Variants in RAPH1 observed in about 807,000 individuals in gnomAD.
RAPH1 encodes ras-associated and pleckstrin homology domains-containing protein 1.
RAPH1 carries 18 observed loss-of-function variants against 88.1 expected under a neutral mutation model. The observed-to-expected ratio is 0.20, with a 90% confidence interval of 0.14 to 0.30. RAPH1 has a LOEUF of 0.30. Ranked by LOEUF, RAPH1 falls within the 10% of genes least tolerant of loss-of-function variation. RAPH1 has a pLI of 1.00. For missense variants in RAPH1, 1,448 were observed against 1,543.2 expected (o/e 0.94, Z 1.03); for synonymous variants, 587 against 559.0 (o/e 1.05, Z -0.71).
chr2:203,467,185 A>G (rs1171349550), intron 4 of RAPH1, among the ~76,000 whole-genome samples: 1 of 152,204 alleles, frequency 6.6e-6, no homozygotes, highest in Non-Finnish European at 1.5e-5. Flanking sequence ...CTGAGCTACT[A>G]GTGTCCTTAT....
intron 13 of RAPH1, chr2:203,441,935 A>G (rs2098504610): frequency 1.4e-6 from 2 of 1,380,414 alleles, no homozygotes; most frequent in Non-Finnish European, 1.9e-6. Context: ...ACAGGAGAGT[A>G]TGAGAATGTT....
Position 203,436,380 on chromosome 2 carries a change from A to G in RAPH1, c.*3057T>C, listed in dbSNP as rs1206007109. ...ACCTTAAGAATAGTTACTCTTCCCA[A>G]GAGAATTACAGCGTCTAAGGGGGGG... On this transcript the variant is annotated 3_prime_UTR_variant, in exon 14 of 14. Coordinates refer to ENST00000319170, the MANE Select transcript of RAPH1 (RefSeq NM_213589.3). 6.6e-6 allele frequency: 1 copy of G among 152,108 alleles called. No homozygotes were observed. The highest frequency in any genetic ancestry group is 2.4e-5 in the African/African-American group (1 of 41,438). The allele number at this position is 152,108 out of a possible 1,614,324, so 9.4% of individuals were successfully genotyped here.
At chr2:203,506,988 C>T (rs1689118646) in intron 1 of RAPH1, among the ~76,000 whole-genome samples, 1 of 146,992 alleles carries the variant, frequency 6.8e-6, no homozygotes, top group Non-Finnish European at 1.5e-5. Context: ...CCTCCACCTC[C>T]CAGGTTCAAG....
intron 1 of RAPH1, among the ~76,000 whole-genome samples, chr2:203,498,395 G>A (rs1170197123): frequency 6.6e-6 from 1 of 152,132 alleles, no homozygotes; most frequent in Admixed American, 6.6e-5. Context: ...CACACTAAGA[G>A]GAAGTTATAA....
chr2:203,444,664 G>A, intron 13 of RAPH1: 1 of 444,002 alleles, frequency 2.3e-6, no homozygotes, highest in Non-Finnish European at 3.9e-6. Context: ...GAGCCAATTT[G>A]TAAAATACTC....
chr2:203,472,508 C>T (rs1032957699), intron 4 of RAPH1, among the ~76,000 whole-genome samples: 2 of 152,150 alleles, frequency 1.3e-5, no homozygotes, highest in African/African-American at 4.8e-5. Flanking sequence ...TGCTCTTATT[C>T]CCATTCATTT....
At chr2:203,494,590 C>T (rs368956400) in intron 2 of RAPH1, among the ~76,000 whole-genome samples, 1 of 151,978 alleles carries the variant, frequency 6.6e-6, no homozygotes, top group East Asian at 1.9e-4. Flanking sequence ...GGGCAGATCA[C>T]GAGGTCAGGA....
chr2:203,522,261 T>C (rs1689911035), intron 1 of RAPH1, among the ~76,000 whole-genome samples: 1 of 152,240 alleles, frequency 6.6e-6, no homozygotes, highest in African/African-American at 2.4e-5. Context: ...TGTTATCATA[T>C]GGAAAAATCT....
At chr2:203,524,448 T>C (rs1180718849) in intron 1 of RAPH1, among the ~76,000 whole-genome samples, 2 of 152,162 alleles carry the variant, frequency 1.3e-5, no homozygotes, top group African/African-American at 2.4e-5. Flanking sequence ...TGAAAACCTG[T>C]CCACAATTGG....
In RAPH1 at chr2:203,454,492, A is replaced by G; in HGVS notation, c.1351T>C (p.Tyr451His). 6.2e-7 allele frequency: 1 copy of G among 1,613,868 alleles called. No individual in the cohort carries two copies. Among genetic ancestry groups the G allele is most frequent in the Non-Finnish European group, 8.5e-7 (1 of 1,179,922 alleles). ...CFLQLDHVNV[Y>H]YGQDYRNKYK... is the part of the protein sequence containing the mutation. ...TTGTTCCGATAGTCCTGGCCATAAT[A>G]AACGTTGACATGATCCAGCTGGAGA... The change falls in exon 10 of 14, where the codon TAT becomes CAT. Residue 451 changes from tyrosine (Y) to histidine (H), a missense_variant. Tyr to His is a moderately conservative substitution (Grantham distance 83, BLOSUM62 2). Coordinates refer to ENST00000319170, the MANE Select transcript of RAPH1 (RefSeq NM_213589.3).
Position 203,459,869 on chromosome 2 carries a change from T to G in RAPH1, c.1092+38A>C, listed in dbSNP as rs750609167. 6 of 1,593,512 alleles carry G rather than the reference T, an allele frequency of 3.8e-6. No individual in the cohort carries two copies. The East Asian group carries it at 1.1e-4, about 30-fold the overall frequency. On this transcript the variant is annotated intron_variant, in intron 7 of 13. Transcript: ENST00000319170. ...GTAATCGAATAAAATAGGAGACATA[T>G]TTACAAATCCTGACCTCTGTAAGTT...
In RAPH1 at chr2:203,529,689, G is replaced by T. The variant is rs147733525; in HGVS notation, c.-1+5422C>A. Among the ~76,000 whole-genome samples, 36 of 152,196 alleles carry T rather than the reference G, an allele frequency of 2.4e-4. 1 individual carries two copies. The East Asian group carries it at 2.5e-3, about 11-fold the overall frequency. On this transcript the variant is annotated intron_variant, in intron 1 of 13. Transcript: ENST00000319170. ...AAGTTTTAAATACCATTGCAAAATT[G>T]ACTTAAGATTCTACAATAATACTGG...
chr2:203,517,713 T>C (rs988904735), intron 1 of RAPH1, among the ~76,000 whole-genome samples: 1 of 151,980 alleles, frequency 6.6e-6, no homozygotes, highest in Non-Finnish European at 1.5e-5. Flanking sequence ...GTCACAAACA[T>C]AATTGAAAAA....
intron 2 of RAPH1, among the ~76,000 whole-genome samples, chr2:203,494,695 G>C (rs1206308001): frequency 6.6e-6 from 1 of 151,706 alleles, no homozygotes; most frequent in Non-Finnish European, 1.5e-5. Context: ...TGTAGTCCCA[G>C]CTACTCGGGA....
At chr2:203,477,034 C>T (rs1452835964) in intron 4 of RAPH1, 36 of 1,363,632 alleles carry the variant, frequency 2.6e-5, no homozygotes, top group Non-Finnish European at 3.5e-5. Context: ...TGAATGCATT[C>T]CTCTTCATTA....
At chr2:203,487,596 G>A (rs772644414) in intron 4 of RAPH1, among the ~76,000 whole-genome samples, 5 of 151,954 alleles carry the variant, frequency 3.3e-5, no homozygotes, top group Admixed American at 6.6e-5. Flanking sequence ...TGTTGGCCAG[G>A]GTGGTCTCAA....
chr2:203,466,374 C>T (rs2098528486), intron 4 of RAPH1, among the ~76,000 whole-genome samples: 1 of 152,140 alleles, frequency 6.6e-6, no homozygotes, highest in Non-Finnish European at 1.5e-5. Context: ...AAGCAATCAC[C>T]ATATCTTTTA....
At chr2:203,521,762 A>T (rs1689884736) in intron 1 of RAPH1, among the ~76,000 whole-genome samples, 1 of 152,178 alleles carries the variant, frequency 6.6e-6, no homozygotes, top group African/African-American at 2.4e-5. Context: ...TATAAGGCAG[A>T]TGTTCTAAGT....
chr2:203,490,272 T>C (rs1688200338), intron 3 of RAPH1, among the ~76,000 whole-genome samples, 183 bp from the exon 4 acceptor site: 1 of 152,224 alleles, frequency 6.6e-6, no homozygotes, highest in African/African-American at 2.4e-5. Context: ...CCTCCTCTTT[T>C]AAGGCTTGTA....
Sources: gnomAD v4.1 joint callset for allele counts (sites outside exome capture counted in the v4.1 genomes callset) on GRCh38, gnomAD v4.1.1 for gene constraint, MANE v1.5 for transcripts, NCBI Gene and HGNC (gene_info 2026-07-23, HGNC 2026-07-21) for gene names.